SOX5: variants seen among roughly 807,000 people sequenced by gnomAD.
The protein encoded by SOX5 is transcription factor SOX-5.
A neutral mutation model predicts 92.0 loss-of-function variants in SOX5; 9 were observed. The observed-to-expected ratio is 0.10, with a 90% CI of 0.06 to 0.17. The LOEUF (loss-of-function observed/expected upper bound fraction) is 0.17. Among genes scored for constraint, SOX5 ranks in the 10% least tolerant of loss-of-function variants. The pLI, the probability that SOX5 is intolerant of heterozygous loss-of-function variation, is 1.00. For missense variants in SOX5, 642 were observed against 944.5 expected (o/e 0.68, Z 4.20); for synonymous variants, 344 against 336.3 (o/e 1.02, Z -0.25).
At position 24,032,694 on chromosome 12, in the gene SOX5, A is replaced by C. The variant is rs1195979145; in HGVS notation, c.-1-136670T>G. ...AGTACCAGGTAGGTAAAACTACTAA[A>C]CTCGGTGGGAAATATAAGTGAAAGA... On this transcript the variant is annotated intron_variant, in intron 4 of 4. Coordinates refer to the SOX5 transcript ENST00000446891. 2.6e-5 allele frequency among the ~76,000 whole-genome samples: 4 copies of C among 152,034 alleles called. 1 individual carries two copies. The highest frequency in any genetic ancestry group is 2.6e-4 in the Admixed American group (4 of 15,240).
intron 4 of SOX5, among the ~76,000 whole-genome samples, chr12:23,742,599 T>C (rs2093837763): frequency 1.3e-5 from 2 of 152,158 alleles, no homozygotes; most frequent in Non-Finnish European, 2.9e-5. Context: ...AATAGAGAAG[T>C]AAATTTCTAC....
chr12:23,791,348 T>A (rs962754347), intron 3 of SOX5, among the ~76,000 whole-genome samples: 5 of 152,232 alleles, frequency 3.3e-5, no homozygotes, highest in African/African-American at 1.2e-4. Context: ...TGGAATGCAG[T>A]GGCTATTTGC....
intron 11 of SOX5, among the ~76,000 whole-genome samples, chr12:23,552,793 A>T (rs377466691): frequency 9.9e-5 from 15 of 152,072 alleles, no homozygotes; most frequent in Middle Eastern, 3.4e-3. Context: ...ACATACGACT[A>T]CCTGCCTAGC....
intron 3 of SOX5, among the ~76,000 whole-genome samples, chr12:23,832,796 C>CAA (rs555310943): frequency 0.017 from 2,332 of 135,872 alleles, 60 homozygotes; most frequent in African/African-American, 0.06. Flanking sequence ...CACTTTTAGG[C>CAA]AAAAAAAAAA....
In SOX5 at chr12:23,531,564, A is replaced by C. The variant is rs1939090839; in HGVS notation, c.*2655T>G. 1 of 152,214 alleles carries C rather than the reference A, an allele frequency of 6.6e-6. No individual in the cohort carries two copies. The highest frequency in any genetic ancestry group is 1.5e-5 in the Non-Finnish European group (1 of 68,030). 9.4% of individuals were successfully genotyped at this position (152,214 alleles called of 1,614,324 possible). On this transcript the variant is annotated 3_prime_UTR_variant, in exon 15 of 15. Coordinates refer to ENST00000451604, the MANE Select transcript of SOX5 (RefSeq NM_006940.6). The stretch of plus-strand genomic sequence containing the variant: ...AAACGTGAGAGGTGAACCCACATAA[A>C]TCGGAAGGAATTTGTTAACAAAGAC...
At chr12:24,388,792 A>G (rs1457610769) in intron 1 of SOX5, among the ~76,000 whole-genome samples, 1 of 152,064 alleles carries the variant, frequency 6.6e-6, no homozygotes, top group African/African-American at 2.4e-5. Context: ...ATCCCCAGGT[A>G]GCCATGAATG....
chr12:24,073,111 T>C (rs1238004689), intron 4 of SOX5, among the ~76,000 whole-genome samples: 1 of 152,192 alleles, frequency 6.6e-6, no homozygotes, highest in African/African-American at 2.4e-5. Context: ...TTGTCAATGG[T>C]GCACAAGTGA....
intron 3 of SOX5, among the ~76,000 whole-genome samples, chr12:24,264,592 T>A (rs1212907221): frequency 1.3e-5 from 2 of 152,194 alleles, no homozygotes; most frequent in Non-Finnish European, 2.9e-5. Context: ...TTTAATAATT[T>A]GCTTCATCCT....
intron 4 of SOX5, among the ~76,000 whole-genome samples, chr12:24,033,914 T>G (rs1955760208): frequency 6.6e-6 from 1 of 151,982 alleles, no homozygotes; most frequent in African/African-American, 2.4e-5. Context: ...TTTTCAATGA[T>G]GCTTAGTTGG....
rs138291553 is a variant in SOX5, at chr12:24,293,495, A to G, written c.-173-16183T>C. On this transcript the variant is annotated intron_variant, in intron 2 of 4. Coordinates refer to the SOX5 transcript ENST00000446891. ...AATTTACATGGGTATGGCTGTATCT[A>G]TAAAAAGAATCTTCAACATAACATA... Among the ~76,000 whole-genome samples, 1,357 of 152,344 alleles carry G rather than the reference A, an allele frequency of 8.9e-3. 23 individuals carry two copies. Among genetic ancestry groups the G allele is most frequent in the African/African-American group, 0.031 (1,290 of 41,574 alleles).
intron 6 of SOX5, among the ~76,000 whole-genome samples, chr12:23,716,124 AT>A (rs2092478317): frequency 6.6e-6 from 1 of 152,232 alleles, no homozygotes; most frequent in Non-Finnish European, 1.5e-5. Context: ...ATGAAAAGAA[AT>A]TTTTGGTAAA....
chr12:24,462,857 A>G (rs917545167), intron 1 of SOX5, among the ~76,000 whole-genome samples: 11 of 152,214 alleles, frequency 7.2e-5, no homozygotes, highest in Non-Finnish European at 1.5e-4. Context: ...CAATGTATCA[A>G]ACAGAACTCT....
At chr12:23,663,581 A>T (rs545240935) in intron 7 of SOX5, among the ~76,000 whole-genome samples, 1 of 152,128 alleles carries the variant, frequency 6.6e-6, no homozygotes, top group Admixed American at 6.6e-5. Context: ...ACTAGTCTAT[A>T]TGTATATATT....
rs1262327908 is a variant in SOX5, at chr12:23,614,333, A to C, written c.1018-9800T>G. Among the ~76,000 whole-genome samples the C allele has an allele frequency of 9.8e-4, 149 of 152,156 alleles. 2 individuals carry two copies. The highest frequency in any genetic ancestry group is 4.4e-5 in the Non-Finnish European group (3 of 68,016). On this transcript the variant is annotated intron_variant, in intron 8 of 14. Coordinates refer to ENST00000451604, the MANE Select transcript of SOX5 (RefSeq NM_006940.6). ...AGACCCTCCTCCCCCTTTTTGAAAT[A>C]ACACATTCCTTTTACTTCTCTTTGG...
intron 3 of SOX5, among the ~76,000 whole-genome samples, chr12:23,811,457 A>G (rs1311298917): frequency 6.6e-6 from 1 of 152,160 alleles, no homozygotes; most frequent in African/African-American, 2.4e-5. Flanking sequence ...AGGCAGGGAA[A>G]GGAAATATCT....
At chr12:24,296,230 T>C (rs937235311) in intron 2 of SOX5, among the ~76,000 whole-genome samples, 13 of 152,238 alleles carry the variant, frequency 8.5e-5, no homozygotes, top group African/African-American at 3.1e-4. Context: ...GATATCATCA[T>C]CAAAATTCAT....
intron 8 of SOX5, among the ~76,000 whole-genome samples, chr12:23,632,502 T>C (rs1343583791): frequency 6.6e-6 from 1 of 152,162 alleles, no homozygotes; most frequent in Non-Finnish European, 1.5e-5. Context: ...TACTTCCTTA[T>C]TGATTTTCTG....
At chr12:23,903,796 GA>G (rs973860492) in intron 1 of SOX5, among the ~76,000 whole-genome samples, 1 of 152,118 alleles carries the variant, frequency 6.6e-6, no homozygotes, top group African/African-American at 2.4e-5. Flanking sequence ...AGGTTGTTGT[GA>G]AAAGGCTAAT....
intron 9 of SOX5, among the ~76,000 whole-genome samples, chr12:23,598,387 C>CTTTTT (rs201719026): frequency 4.5e-4 from 43 of 95,164 alleles, no homozygotes; most frequent in East Asian, 8.8e-4. Context: ...TGTGCTTTAT[C>CTTTTT]TTTTTTTTTT....
Sources: allele counts gnomAD v4.1 joint callset (sites outside exome capture counted in the v4.1 genomes callset), GRCh38; gene constraint gnomAD v4.1.1; transcripts MANE v1.5; gene names NCBI Gene and HGNC (gene_info 2026-07-23, HGNC 2026-07-21).